Variants in LRFN3 observed in about 807,000 individuals in gnomAD.
LRFN3 encodes leucine-rich repeat and fibronectin type-III domain-containing protein 3.
Under a neutral mutation model 23.8 loss-of-function variants are expected in LRFN3, and 8 were observed. That is an observed-to-expected ratio of 0.34 (90% confidence interval 0.20 to 0.61). The LOEUF (loss-of-function observed/expected upper bound fraction) is 0.61. Ranked by LOEUF, LRFN3 falls within the 20% of genes least tolerant of loss-of-function variation. LRFN3 has a pLI of 0.80. For missense variants in LRFN3, 736 were observed against 935.3 expected (o/e 0.79, Z 2.78); for synonymous variants, 451 against 450.6 (o/e 1.00, Z -0.01).
chr19:35,940,125 C>T lies in LRFN3; in HGVS notation c.700C>T (p.Pro234Ser), dbSNP rs1472184878. The T allele has an allele frequency of 6.2e-7, 1 of 1,610,972 alleles. No individual in the cohort carries two copies. The highest frequency in any genetic ancestry group is 1.7e-5 in the Admixed American group (1 of 59,978). ...LFSRLPLLAR[P>S]RGSPASALVL... ...CTCCCGCCTGCCCCTGCTCGCCAGGCCCCGGGGCTCGCCCGCCTCTGCCCT... is the reference window on the plus strand; with the variant it reads ...CTCCCGCCTGCCCCTGCTCGCCAGGTCCCGGGGCTCGCCCGCCTCTGCCCT... The change falls in exon 2 of 3, where the codon CCC (proline) becomes TCC (serine). Residue 234 changes from proline (P) to serine (S), a missense_variant. Pro to Ser is a moderately conservative substitution (Grantham distance 74). This residue lies in a region of LRFN3 where 446 missense variants were observed against 647.9 expected (regional missense o/e 0.69). Transcript: ENST00000246529.
Position 35,938,705 on chromosome 19 carries a change from G to A in LRFN3, c.-16-705G>A, listed in dbSNP as rs115504699. ...CTGGCTTTGGGCCGTTTCTGACCAC[G>A]TGTCTCTGACATGGTCATCTCCCCC... On this transcript the variant is annotated intron_variant, in intron 1 of 2. Transcript: ENST00000246529. Among the ~76,000 whole-genome samples the A allele has an allele frequency of 9.6e-3, 1,458 of 152,174 alleles. 20 individuals are homozygous for A. Among genetic ancestry groups the A allele is most frequent in the African/African-American group, 0.033 (1,354 of 41,496 alleles).
In LRFN3 at chr19:35,939,942, TG is replaced by T; in HGVS notation, c.520del (p.Glu174ArgfsTer38). 1 of 1,607,310 alleles carries T rather than the reference TG, an allele frequency of 6.2e-7. No individual in the cohort carries two copies. Among genetic ancestry groups the T allele is most frequent in the Non-Finnish European group, 8.5e-7 (1 of 1,179,826 alleles). ...CTACAACAACCTCGAGCAGCTGCCC[TG>T]GGAGGCCCTGGGCCGCCTGGGCAAC... ...LSYNNLEQLPWEALGRLGNVN... is the reference protein window; with the variant it reads ...LSYNNLEQLPXEALGRLGNVN... On this transcript the variant is annotated frameshift_variant, in exon 2 of 3. Transcript: ENST00000246529. LOFTEE classifies it high-confidence loss of function. The surrounding 1 kb of genome is among the most constrained non-coding windows in gnomAD (Gnocchi z 6.4).
Position 35,940,377 on chromosome 19 carries a change from C to T in LRFN3, c.952C>T (p.Arg318Trp), listed in dbSNP as rs1255094202. Reference protein sequence around the residue: ...PAGRPAALRCRAVGDPEPRVR... With the variant: ...PAGRPAALRCWAVGDPEPRVR... Reference sequence around the variant, plus strand: ...AGGTCGGCCGGCTGCCCTGCGCTGCCGGGCAGTGGGGGACCCAGAGCCCCG... The same window carrying T: ...AGGTCGGCCGGCTGCCCTGCGCTGCTGGGCAGTGGGGGACCCAGAGCCCCG... The change falls in exon 2 of 3, where the codon CGG becomes TGG. Residue 318 changes from arginine to tryptophan, a missense_variant. Transcript: ENST00000246529. 13 of 1,571,374 alleles carry T rather than the reference C, an allele frequency of 8.3e-6. No individual in the cohort carries two copies. Among genetic ancestry groups the T allele is most frequent in the African/African-American group, 1.3e-5 (1 of 74,440 alleles).
chr19:35,936,463 CCCCCG>C lies in LRFN3; in HGVS notation c.-1106_-1102del, dbSNP rs1229572920. ...CCCGCCCAGCCCGGCCCCCGCCCGG[CCCCCG>C]CCTCGGCCCCGGCGGGGGAGGGGTC... On this transcript the variant is annotated 5_prime_UTR_variant, in exon 1 of 3. Coordinates refer to ENST00000246529, the MANE Select transcript of LRFN3 (RefSeq NM_024509.2). 1 of 149,326 alleles carries C rather than the reference CCCCCG, an allele frequency of 6.7e-6. No individual in the cohort carries two copies. The highest frequency in any genetic ancestry group is 1.5e-5 in the Non-Finnish European group (1 of 67,068). The allele number at this position is 149,326 out of a possible 1,614,324, so 9.3% of individuals were successfully genotyped here.
In LRFN3 at chr19:35,946,151, T is replaced by C. The variant is rs1976176032; in HGVS notation, c.*1132T>C. 6.6e-6 allele frequency among the ~76,000 whole-genome samples: 1 copy of C among 151,364 alleles called. No homozygotes were observed. The highest frequency in any genetic ancestry group is 2.4e-5 in the African/African-American group (1 of 41,152). ...ATGATATGGCCAGTGGGGAACTTGG[T>C]AGGTGTAGGGGGCCCTGAGGATGTC... On this transcript the variant is annotated 3_prime_UTR_variant, in exon 3 of 3. Transcript: ENST00000246529.
Position 35,938,272 on chromosome 19 carries a change from G to A in LRFN3, c.-17+717G>A, listed in dbSNP as rs541659191. On this transcript the variant is annotated intron_variant, in intron 1 of 2. Transcript: ENST00000246529. ...GTCTGCAACTGTCTGACCATCTCTG[G>A]CCACCTCTCCTCTCTCTCTCACTCA... 6.6e-5 allele frequency among the ~76,000 whole-genome samples: 10 copies of A among 151,116 alleles called. No homozygotes were observed. The East Asian group carries it at 2.0e-3, about 30-fold the overall frequency.
chr19:35,944,957 C>A lies in LRFN3; in HGVS notation c.1825C>A (p.His609Asn). The A allele has an allele frequency of 6.9e-7, 1 of 1,456,134 alleles. No individual in the cohort carries two copies. The highest frequency in any genetic ancestry group is 2.9e-5 in the Admixed American group (1 of 34,694). 90.2% of individuals were successfully genotyped at this position (1,456,134 alleles called of 1,614,324 possible). A position where few individuals can be genotyped will look rare whatever the true frequency, so the allele number is the denominator to read the frequency against. The change falls in exon 3 of 3, where the codon CAC (histidine) becomes AAC (asparagine). Residue 609 changes from histidine to asparagine, a missense_variant. Around this residue, in one of 2 missense-constraint regions of LRFN3, gnomAD observed 290 missense variants for 287.4 expected, o/e 1.01. Coordinates refer to ENST00000246529, the MANE Select transcript of LRFN3 (RefSeq NM_024509.2). This position sits in a 1 kb window ranked among gnomAD's most constrained non-coding sequence, Gnocchi z 4.5. ...PAPEPAALRA[H>N]TVVQLDCEPW... ...CCCGGAGCCCGCGGCGCTCAGGGCC[C>A]ACACCGTGGTCCAGCTGGACTGCGA...
Position 35,939,754 on chromosome 19 carries a change from G to A in LRFN3, c.329G>A (p.Arg110His). The A allele has an allele frequency of 3.7e-6, 6 of 1,604,630 alleles. No homozygotes were observed. Among genetic ancestry groups the A allele is most frequent in the East Asian group, 2.2e-5 (1 of 44,848 alleles). Residue 110 changes from arginine to histidine, a missense_variant, in exon 2 of 3, where the codon CGT (arginine) becomes CAT (histidine). Around this residue, in one of 2 missense-constraint regions of LRFN3, gnomAD observed 446 missense variants for 647.9 expected, o/e 0.69. Transcript: ENST00000246529. The surrounding 1 kb of genome is among the most constrained non-coding windows in gnomAD (Gnocchi z 6.4). ...AGAFADLRAL[R>H]ALHLDGNRLT... ...GCCTTCGCCGACCTGCGGGCCCTGC[G>A]TGCCCTGCACCTGGATGGCAACCGG... is the stretch of plus-strand genomic sequence containing the variant.
intron 2 of LRFN3, among the ~76,000 whole-genome samples, chr19:35,942,002 C>A (rs943814622): frequency 3.2e-4 from 48 of 152,208 alleles, no homozygotes; most frequent in African/African-American, 1.2e-3. Flanking sequence ...CCTGCCTCAG[C>A]CTCCCGAGTA....
chr19:35,945,056 CG>C lies in LRFN3; in HGVS notation c.*39del. The C allele has an allele frequency of 8.2e-7, 1 of 1,221,688 alleles. No homozygotes were observed. Among genetic ancestry groups the C allele is most frequent in the Non-Finnish European group, 1.1e-6 (1 of 936,092 alleles). The allele number at this position is 1,221,688 out of a possible 1,614,324, so 75.7% of individuals were successfully genotyped here. On this transcript the variant is annotated 3_prime_UTR_variant, in exon 3 of 3. Transcript: ENST00000246529. ...CCCCTCTAAGGGTCCTCTGGCCCCACGGACAGCAGGACCCGGACACCCTGTG... is the reference window on the plus strand; with the variant it reads ...CCCCTCTAAGGGTCCTCTGGCCCCACGACAGCAGGACCCGGACACCCTGTG...
chr19:35,937,865 T>A (rs976432516), intron 1 of LRFN3, among the ~76,000 whole-genome samples: 4 of 152,054 alleles, frequency 2.6e-5, no homozygotes, highest in Non-Finnish European at 5.9e-5. Flanking sequence ...CTCCTCTCTC[T>A]GGGCTCCTTT....
In LRFN3 at chr19:35,936,435, C is replaced by T; in HGVS notation, c.-1137C>T. ...AGGAGGCCGCGGGAGCGCCTGGACC[C>T]GGCCCGCCCAGCCCGGCCCCCGCCC... On this transcript the variant is annotated 5_prime_UTR_variant, in exon 1 of 3. Transcript: ENST00000246529. Among the ~76,000 whole-genome samples the T allele has an allele frequency of 6.6e-6, 1 of 150,754 alleles. No individual in the cohort carries two copies. Among genetic ancestry groups the T allele is most frequent in the East Asian group, 1.9e-4 (1 of 5,150 alleles).
At position 35,944,842 on chromosome 19, in the gene LRFN3, C is replaced by T. The variant is rs747917115; in HGVS notation, c.1710C>T (p.Pro570=). 7 of 1,605,110 alleles carry T rather than the reference C, an allele frequency of 4.4e-6. No individual in the cohort carries two copies. In the African/African-American group the frequency reaches 6.7e-5, roughly 15 times the overall value. ...ACAAGGTGCACGGCGGCCAGCCCCC[C>T]GGCAAGGCCAAGATTCCCGCGCCTG... ...MRYKVHGGQP[P]GKAKIPAPVS... The change falls in exon 3 of 3, where the codon CCC becomes CCT. Residue 570 remains proline, a synonymous_variant. Coordinates refer to ENST00000246529, the MANE Select transcript of LRFN3 (RefSeq NM_024509.2). This position sits in a 1 kb window ranked among gnomAD's most constrained non-coding sequence, Gnocchi z 4.5.
At chr19:35,942,031 C>G (rs1288477946) in intron 2 of LRFN3, among the ~76,000 whole-genome samples, 1 of 151,906 alleles carries the variant, frequency 6.6e-6, no homozygotes, top group Non-Finnish European at 1.5e-5. Context: ...TACAGGCGCC[C>G]GTCACCATGC....
rs142850301 is a variant in LRFN3, at chr19:35,944,857, T to C, written c.1725T>C (p.Ile575=). 1,196 of 1,602,036 alleles carry C rather than the reference T, an allele frequency of 7.5e-4. 7 individuals are homozygous for C. In the African/African-American group the frequency reaches 0.014, roughly 18 times the overall value. ...GCCAGCCCCCCGGCAAGGCCAAGAT[T>C]CCCGCGCCTGTTAGCAGCGTTTGCT... ...HGGQPPGKAK[I]PAPVSSVCSQ... is the part of the protein sequence containing the mutation. Residue 575 remains isoleucine (I), a synonymous_variant, in exon 3 of 3, where the codon ATT becomes ATC. Coordinates refer to ENST00000246529, the MANE Select transcript of LRFN3 (RefSeq NM_024509.2). The surrounding 1 kb of genome is among the most constrained non-coding windows in gnomAD (Gnocchi z 4.5).
Position 35,939,911 on chromosome 19 carries a change from C to T in LRFN3, c.486C>T (p.Asp162=), listed in dbSNP as rs772634980. The change falls in exon 2 of 3, where the codon GAC becomes GAT. Residue 162 remains aspartate (D), a synonymous_variant. Transcript: ENST00000246529. This position sits in a 1 kb window ranked among gnomAD's most constrained non-coding sequence, Gnocchi z 6.4. ...DDCAETLEDL[D]LSYNNLEQLP... is the part of the protein sequence containing the mutation. ...GTGCCGAGACACTGGAGGACCTCGA[C>T]CTCTCCTACAACAACCTCGAGCAGC... 7.5e-6 allele frequency: 12 copies of T among 1,603,640 alleles called. No individual in the cohort carries two copies. The South Asian group carries it at 1.1e-4, about 15-fold the overall frequency.
In LRFN3 at chr19:35,942,429, TGAC is replaced by T. The variant is rs564233684; in HGVS notation, c.1415+1590_1415+1592del. ...TGGTGGCTGCTGACCTAGGTGCTGT[TGAC>T]ACCTCTTACCAAAGTCCAACCTTGC... On this transcript the variant is annotated intron_variant, in intron 2 of 2. Coordinates refer to ENST00000246529, the MANE Select transcript of LRFN3 (RefSeq NM_024509.2). Among the ~76,000 whole-genome samples the T allele has an allele frequency of 4.6e-5, 7 of 152,316 alleles. No individual in the cohort carries two copies. The East Asian group carries it at 1.2e-3, about 25-fold the overall frequency.
intron 2 of LRFN3, 86 bp downstream of exon 2, chr19:35,940,926 G>A (rs566610772): frequency 1.3e-5 from 18 of 1,417,092 alleles, no homozygotes; most frequent in Non-Finnish European, 1.5e-5. Flanking sequence ...ACCCTACACC[G>A]AAGCACAACT....
chr19:35,940,738 C>A lies in LRFN3; in HGVS notation c.1313C>A (p.Ala438Asp), dbSNP rs572491142. 2.5e-6 allele frequency: 4 copies of A among 1,613,318 alleles called. No homozygotes were observed. In the African/African-American group the frequency reaches 5.3e-5, roughly 22 times the overall value. Reference sequence around the variant, plus strand: ...GGCGTCCAGGTGACTGAGCACGGGGCCACAGCTGCTCTTGTCCAGTGGCCG... The same window carrying A: ...GGCGTCCAGGTGACTGAGCACGGGGACACAGCTGCTCTTGTCCAGTGGCCG... ...DRGVQVTEHG[A>D]TAALVQWPDQ... The change falls in exon 2 of 3, where the codon GCC becomes GAC. Residue 438 changes from alanine (A) to aspartate (D), a missense_variant. Physicochemically the swap from Ala to Asp is moderately radical, Grantham distance 126. Coordinates refer to ENST00000246529, the MANE Select transcript of LRFN3 (RefSeq NM_024509.2).
Sources: allele counts gnomAD v4.1 joint callset (sites outside exome capture counted in the v4.1 genomes callset), GRCh38; gene constraint gnomAD v4.1.1; regional missense constraint gnomAD v4.1.1; non-coding constraint Gnocchi (gnomAD v3.1); transcripts MANE v1.5; gene names NCBI Gene and HGNC (gene_info 2026-07-23, HGNC 2026-07-21).